Variants in ZNF20 observed in about 807,000 individuals in gnomAD.
ZNF20 encodes zinc finger protein 20, also known as zinc finger protein KOX13.
ZNF20 carries 9 observed loss-of-function variants against 11.0 expected under a neutral mutation model. That is an observed-to-expected ratio of 0.82 (90% confidence interval 0.49 to 1.43). The LOEUF (loss-of-function observed/expected upper bound fraction) is 1.43. Among genes scored for constraint, ZNF20 ranks in the 40% most tolerant of loss-of-function variants. The pLI is 0.00. For missense variants in ZNF20, 528 were observed against 640.8 expected (o/e 0.82, Z 1.90); for synonymous variants, 182 against 213.0 (o/e 0.85, Z 1.27).
chr19:12,134,061 C>T lies in ZNF20; in HGVS notation c.201-76G>A, dbSNP rs1976671553. ...TTATAGGGCCGGGCACAGTGGCTCA[C>T]TCCTGTAATCCCAGCACTTTGGGAG... On this transcript the variant is annotated intron_variant, in intron 3 of 3. Coordinates refer to ENST00000334213, the MANE Select transcript of ZNF20 (RefSeq NM_021143.4). The T allele has an allele frequency of 4.7e-6, 6 of 1,282,838 alleles. No individual in the cohort carries two copies. The South Asian group carries it at 5.9e-5, about 13-fold the overall frequency. 79.5% of individuals were successfully genotyped at this position (1,282,838 alleles called of 1,614,324 possible).
chr19:12,138,806 C>T (rs1201570871), intron 1 of ZNF20, among the ~76,000 whole-genome samples: 1 of 151,426 alleles, frequency 6.6e-6, no homozygotes, highest in Non-Finnish European at 1.5e-5. Context: ...GCAACAAGAG[C>T]GAAACTCCGT....
chr19:12,132,506 T>C lies in ZNF20; in HGVS notation c.*81A>G, dbSNP rs1976638102. On this transcript the variant is annotated 3_prime_UTR_variant, in exon 4 of 4. Transcript: ENST00000334213. Reference sequence around the variant, plus strand: ...TCAAAAAGCAGTTATCCAGAGGTTCTTTCACCACTCTCTTTTCTTGTGTTT... The same window carrying C: ...TCAAAAAGCAGTTATCCAGAGGTTCCTTCACCACTCTCTTTTCTTGTGTTT... 2 of 1,420,498 alleles carry C rather than the reference T, an allele frequency of 1.4e-6. No individual in the cohort carries two copies. The highest frequency in any genetic ancestry group is 1.4e-5 in the African/African-American group (1 of 69,868). 88.0% of individuals were successfully genotyped at this position (1,420,498 alleles called of 1,614,324 possible).
At position 12,132,778 on chromosome 19, in the gene ZNF20, C is replaced by G. The variant is rs1187788682; in HGVS notation, c.1408G>C (p.Glu470Gln). ...FTCSSSIRYH[E>Q]RTHTGEKPYE... ...GGTTTCTCTCCAGTGTGAGTCCTTT[C>G]ATGATATCGAATGGAACTGGAACAA... Residue 470 changes from glutamate to glutamine, a missense_variant, in exon 4 of 4, where the codon GAA (glutamate) becomes CAA (glutamine). Transcript: ENST00000334213. 6.8e-6 allele frequency: 11 copies of G among 1,613,268 alleles called. No individual in the cohort carries two copies. The highest frequency in any genetic ancestry group is 8.5e-6 in the Non-Finnish European group (10 of 1,179,834).
chr19:12,134,669 A>G (rs1295275055), intron 3 of ZNF20, among the ~76,000 whole-genome samples: 1 of 152,162 alleles, frequency 6.6e-6, no homozygotes, highest in Admixed American at 6.6e-5. Flanking sequence ...AACATGATTT[A>G]TATCATTAAC....
At position 12,133,707 on chromosome 19, in the gene ZNF20, G is replaced by C; in HGVS notation, c.479C>G (p.Ser160Ter). 6.2e-7 allele frequency: 1 copy of C among 1,614,178 alleles called. No individual in the cohort carries two copies. The highest frequency in any genetic ancestry group is 8.5e-7 in the Non-Finnish European group (1 of 1,180,024). ...KAFSYLDSFQ[S>*]HDKACTKEKP... Reference sequence around the variant, plus strand: ...CTCTTTAGTGCAAGCTTTATCATGTGATTGAAAGGAGTCAAGATAACTGAA... The same window carrying C: ...CTCTTTAGTGCAAGCTTTATCATGTCATTGAAAGGAGTCAAGATAACTGAA... Residue 160 changes from serine to a stop codon, truncating the protein, a stop_gained, in exon 4 of 4, where the codon TCA becomes TGA. Coordinates refer to ENST00000334213, the MANE Select transcript of ZNF20 (RefSeq NM_021143.4). LOFTEE classifies it low-confidence loss of function (END_TRUNC).
In ZNF20 at chr19:12,132,657, T is replaced by C. The variant is rs1374768883; in HGVS notation, c.1529A>G (p.Gln510Arg). The C allele has an allele frequency of 6.2e-7, 1 of 1,613,952 alleles. No individual in the cohort carries two copies. Among genetic ancestry groups the C allele is most frequent in the Admixed American group, 1.7e-5 (1 of 59,956 alleles). Reference protein sequence around the residue: ...HTGEKPYQCKQCGKAFIRASS... With the variant: ...HTGEKPYQCKRCGKAFIRASS... ...GGCACGAATAAAGGCTTTGCCACAT[T>C]GCTTGCATTGATAGGGTTTCTCTCC... The change falls in exon 4 of 4, where the codon CAA becomes CGA. Residue 510 changes from glutamine (Q) to arginine (R), a missense_variant. By Grantham distance (43) the Gln-to-Arg change is conservative. Transcript: ENST00000334213.
Position 12,138,049 on chromosome 19 carries a change from G to A in ZNF20, c.3+2131C>T, listed in dbSNP as rs116945327. On this transcript the variant is annotated intron_variant, in intron 1 of 3. Coordinates refer to ENST00000334213, the MANE Select transcript of ZNF20 (RefSeq NM_021143.4). ...GGGGCTGATATTCAGTAGGCCAGGA[G>A]AGATGGGAGCTGTGGGCATTTTGGT... 1.0e-3 allele frequency among the ~76,000 whole-genome samples: 154 copies of A among 152,328 alleles called. 2 individuals are homozygous for A. In the East Asian group the frequency reaches 0.013, roughly 13 times the overall value.
In ZNF20 at chr19:12,132,608, T is replaced by C; in HGVS notation, c.1578A>G (p.Arg526=). 6.3e-7 allele frequency: 1 copy of C among 1,598,520 alleles called. No homozygotes were observed. Among genetic ancestry groups the C allele is most frequent in the Non-Finnish European group, 8.5e-7 (1 of 1,174,148 alleles). Residue 526 remains arginine (R), a synonymous_variant, in exon 4 of 4, where the codon AGA becomes AGG. Coordinates refer to ENST00000334213, the MANE Select transcript of ZNF20 (RefSeq NM_021143.4). Reference sequence around the variant, plus strand: ...TTTCTCATCTATTAATGGTATGAGTTCTTTCATGTTCTCGACATGAACTGG... The same window carrying C: ...TTTCTCATCTATTAATGGTATGAGTCCTTTCATGTTCTCGACATGAACTGG... ...IRASSCREHE[R]THTINR is the part of the protein sequence containing the mutation.
In ZNF20 at chr19:12,140,277, AG is replaced by A; in HGVS notation, c.-96del. 6.6e-7 allele frequency: 1 copy of A among 1,523,348 alleles called. No individual in the cohort carries two copies. The highest frequency in any genetic ancestry group is 8.9e-7 in the Non-Finnish European group (1 of 1,118,816). The allele number at this position is 1,523,348 out of a possible 1,614,324, so 94.4% of individuals were successfully genotyped here. ...GGCAGAGCGACAGAAGTTGTGGCAG[AG>A]GGACCCGGGGCCTCTCGGAGTAGGA... On this transcript the variant is annotated 5_prime_UTR_variant, in exon 1 of 4. The change abolishes the stop of an existing upstream ORF in the 5' untranslated region. Transcript: ENST00000334213.
chr19:12,134,217 G>A (rs187490339), intron 3 of ZNF20, among the ~76,000 whole-genome samples: 277 of 152,070 alleles, frequency 1.8e-3, no homozygotes, highest in Non-Finnish European at 3.2e-3. Flanking sequence ...CCAGCTACTC[G>A]GGAGCCTGAG....
chr19:12,138,201 C>G (rs997904858), intron 1 of ZNF20, among the ~76,000 whole-genome samples: 3 of 152,104 alleles, frequency 2.0e-5, no homozygotes, highest in Non-Finnish European at 2.9e-5. Context: ...CTGTAAAATT[C>G]CAGCACTTTG....
chr19:12,133,599 T>C lies in ZNF20; in HGVS notation c.587A>G (p.Asp196Gly), dbSNP rs766182172. The stretch of plus-strand genomic sequence containing the variant: ...ACAAAACTTACATTTATAAGGTCCA[T>C]CTCCACTGTGCATTACCCTGTGTCT... The part of the protein sequence containing the change: ...IQRHRVMHSG[D>G]GPYKCKFCGK... The change falls in exon 4 of 4, where the codon GAT becomes GGT. Residue 196 changes from aspartate to glycine, a missense_variant. Physicochemically the swap from Asp to Gly is moderately conservative, Grantham distance 94 (BLOSUM62 -1). Transcript: ENST00000334213. The C allele has an allele frequency of 6.2e-7, 1 of 1,614,238 alleles. No homozygotes were observed. The highest frequency in any genetic ancestry group is 1.1e-5 in the South Asian group (1 of 91,090).
chr19:12,133,221 C>T lies in ZNF20; in HGVS notation c.965G>A (p.Cys322Tyr). 1 of 1,613,602 alleles carries T rather than the reference C, an allele frequency of 6.2e-7. No individual in the cohort carries two copies. Among genetic ancestry groups the T allele is most frequent in the Non-Finnish European group, 8.5e-7 (1 of 1,179,894 alleles). Residue 322 changes from cysteine to tyrosine, a missense_variant, in exon 4 of 4, where the codon TGT becomes TAT. Transcript: ENST00000334213. ...ECKQCGKAFR[C>Y]GSHLQKHGRT... is the part of the protein sequence containing the mutation. ...TCCATGCTTTTGAAGGTGTGAGCCACATCTAAAGGCTTTCCCACACTGCTT... is the reference window on the plus strand; with the variant it reads ...TCCATGCTTTTGAAGGTGTGAGCCATATCTAAAGGCTTTCCCACACTGCTT...
In ZNF20 at chr19:12,133,671, T is replaced by G. The variant is rs1347240106; in HGVS notation, c.515A>C (p.Asp172Ala). 2 of 1,614,126 alleles carry G rather than the reference T, an allele frequency of 1.2e-6. No individual in the cohort carries two copies. The highest frequency in any genetic ancestry group is 1.7e-6 in the Non-Finnish European group (2 of 1,180,052). The stretch of plus-strand genomic sequence containing the variant: ...GAAGGTTTCTGTACATTCTTTACCA[T>G]CATAGGGTTTCTCTTTAGTGCAAGC... ...DKACTKEKPYDGKECTETFIS... is the reference protein window; with the variant it reads ...DKACTKEKPYAGKECTETFIS... Residue 172 changes from aspartate to alanine, a missense_variant, in exon 4 of 4, where the codon GAT becomes GCT. Physicochemically the swap from Asp to Ala is moderately radical, Grantham distance 126. Transcript: ENST00000334213.
Position 12,140,194 on chromosome 19 carries a change from T to C in ZNF20, c.-12A>G. The C allele has an allele frequency of 6.2e-7, 1 of 1,603,640 alleles. No homozygotes were observed. Among genetic ancestry groups the C allele is most frequent in the Non-Finnish European group, 8.5e-7 (1 of 1,174,910 alleles). On this transcript the variant is annotated 5_prime_UTR_variant, in exon 1 of 4. Transcript: ENST00000334213. ...CATACACTCACCATTTCCCGGCTTC[T>C]GGGTGTCCCGGTGTCCTCTCTAGGG... is the stretch of plus-strand genomic sequence containing the variant.
Position 12,133,168 on chromosome 19 carries a change from C to G in ZNF20, c.1018G>C (p.Glu340Gln). The G allele has an allele frequency of 1.2e-6, 2 of 1,613,650 alleles. No individual in the cohort carries two copies. Among genetic ancestry groups the G allele is most frequent in the Non-Finnish European group, 1.7e-6 (2 of 1,179,700 alleles). Residue 340 changes from glutamate (E) to glutamine (Q), a missense_variant, in exon 4 of 4, where the codon GAA (glutamate) becomes CAA (glutamine). By Grantham distance (29) the Glu-to-Gln change is conservative. Coordinates refer to ENST00000334213, the MANE Select transcript of ZNF20 (RefSeq NM_021143.4). Reference protein sequence around the residue: ...GRTHTGEKPYECRQCGKAFRC... With the variant: ...GRTHTGEKPYQCRQCGKAFRC... The stretch of plus-strand genomic sequence containing the variant: ...AAGGCTTTACCACATTGCCTACATT[C>G]ATAGGGTTTCTCTCCAGTGTGAGTC...
intron 1 of ZNF20, 87 bp from the exon 2 acceptor site, chr19:12,135,991 T>C: frequency 6.7e-7 from 1 of 1,501,838 alleles, no homozygotes; most frequent in Admixed American, 2.3e-5. Context: ...TACTGTGGAC[T>C]CCAAACATTT....
Position 12,139,299 on chromosome 19 carries a change from CG to C in ZNF20, c.3+880del, listed in dbSNP as rs1301643923. On this transcript the variant is annotated intron_variant, in intron 1 of 3. Transcript: ENST00000334213. The surrounding 1 kb of genome is among the most constrained non-coding windows in gnomAD (Gnocchi z 4.0). ...ATTTAAACTCCCAAAAATTCTGTAA[CG>C]GGGCCTTTGAGCCCCTGTGCTCAGC... Among the ~76,000 whole-genome samples, 1 of 152,212 alleles carries C rather than the reference CG, an allele frequency of 6.6e-6. No individual in the cohort carries two copies. The highest frequency in any genetic ancestry group is 6.5e-5 in the Admixed American group (1 of 15,280).
intron 1 of ZNF20, chr19:12,137,371 C>T (rs1325807468): frequency 6.5e-6 from 1 of 152,824 alleles, no homozygotes; most frequent in African/African-American, 2.4e-5. Flanking sequence ...TCCACCTCCT[C>T]CCAGTTCCTG....
Sources: allele counts gnomAD v4.1 joint callset (sites outside exome capture counted in the v4.1 genomes callset), GRCh38; gene constraint gnomAD v4.1.1; non-coding constraint Gnocchi (gnomAD v3.1); transcripts MANE v1.5; gene names NCBI Gene and HGNC (gene_info 2026-07-23, HGNC 2026-07-21).